CENPO: variants seen among roughly 807,000 people sequenced by gnomAD.
CENPO encodes the protein centromeric protein O.
Under a neutral mutation model 36.1 loss-of-function variants are expected in CENPO, and 30 were observed. The ratio of observed to expected loss-of-function variants is 0.83; its 90% CI spans 0.62 to 1.13. The LOEUF (loss-of-function observed/expected upper bound fraction) is 1.13. CENPO is among the 50% of genes most tolerant of loss of function. The probability of loss-of-function intolerance (pLI) is 0.00; values close to 1 mark genes in which losing one functional copy is unlikely to be tolerated. For synonymous variants in CENPO, 171 were observed against 142.3 expected (o/e 1.20, Z -1.44); for missense variants, 349 against 357.8 (o/e 0.98, Z 0.20).
chr2:24,803,305 G>C (rs1006759028), intron 3 of CENPO, among the ~76,000 whole-genome samples: 3 of 151,774 alleles, frequency 2.0e-5, no homozygotes, highest in African/African-American at 7.2e-5. Context: ...ATTTTTTGAA[G>C]GGTTTTTTGT....
chr2:24,804,755 T>TA (rs1212307395), intron 3 of CENPO, among the ~76,000 whole-genome samples: 3 of 152,130 alleles, frequency 2.0e-5, no homozygotes, highest in East Asian at 3.9e-4. Flanking sequence ...TGGCTGCCCT[T>TA]ACATTTTTTC....
chr2:24,795,943 T>A (rs1665879631), intron 2 of CENPO, among the ~76,000 whole-genome samples: 2 of 152,226 alleles, frequency 1.3e-5, no homozygotes, highest in South Asian at 4.1e-4. Context: ...ATTTATTTAA[T>A]TAGAATTTTG....
intron 3 of CENPO, 91 bp downstream of exon 3, chr2:24,799,935 GT>G: frequency 1.5e-6 from 2 of 1,372,780 alleles, no homozygotes; most frequent in South Asian, 1.3e-5. Context: ...TTTATAATGT[GT>G]TTTACTTGTG....
rs1028725471 is a variant in CENPO at position 24,821,745 on chromosome 2, A to G, written c.*2427A>G. The G allele has an allele frequency of 1.3e-6, 2 of 1,496,290 alleles. No individual in the cohort carries two copies. Among genetic ancestry groups the G allele is most frequent in the African/African-American group, 2.8e-5 (2 of 72,036 alleles). 92.7% of individuals were successfully genotyped at this position (1,496,290 alleles called of 1,614,324 possible). A position where few individuals can be genotyped will look rare whatever the true frequency, so the allele number is the denominator to read the frequency against. On this transcript the variant is annotated 3_prime_UTR_variant, in exon 8 of 8. Coordinates refer to ENST00000380834, the MANE Select transcript of CENPO (RefSeq NM_001322101.2). ...CTGGGGGTGGATTCCCTACACCTAG[A>G]TGTTCAAGGCCTTACTTTTCCTCCC...
Position 24,821,648 on chromosome 2 carries a change from A to C in CENPO, c.*2330A>C. On this transcript the variant is annotated 3_prime_UTR_variant, in exon 8 of 8. Coordinates refer to ENST00000380834, the MANE Select transcript of CENPO (RefSeq NM_001322101.2). Reference sequence around the variant, plus strand: ...TCTCTCGGACTTGTCTTCCTGTGCCAGGGGACCGTGGAGAAAGTGTCAGGG... The same window carrying C: ...TCTCTCGGACTTGTCTTCCTGTGCCCGGGGACCGTGGAGAAAGTGTCAGGG... 1 of 1,613,702 alleles carries C rather than the reference A, an allele frequency of 6.2e-7. No homozygotes were observed. Among genetic ancestry groups the C allele is most frequent in the Non-Finnish European group, 8.5e-7 (1 of 1,179,850 alleles).
At chr2:24,805,503 G>C (rs570843646) in intron 3 of CENPO, among the ~76,000 whole-genome samples, 1 of 152,288 alleles carries the variant, frequency 6.6e-6, no homozygotes, top group African/African-American at 2.4e-5. Context: ...ATGGGGTTTT[G>C]GTGTGGATGT....
At chr2:24,808,346 T>A (rs1018300461) in intron 3 of CENPO, among the ~76,000 whole-genome samples, 1 of 152,084 alleles carries the variant, frequency 6.6e-6, no homozygotes, top group African/African-American at 2.4e-5. Flanking sequence ...GTAGCTGGGA[T>A]TACAGGCATG....
At position 24,820,010 on chromosome 2, in the gene CENPO, CA is replaced by C. The variant is rs1558389289; in HGVS notation, c.*694del. The C allele has an allele frequency of 6.2e-7, 1 of 1,612,660 alleles. No homozygotes were observed. The highest frequency in any genetic ancestry group is 8.5e-7 in the Non-Finnish European group (1 of 1,179,326). ...AGGTGGCTAGCTTATCCCGCCCCTT[CA>C]AGAAGAAGGTCAGCAGCTCCCCCTT... On this transcript the variant is annotated 3_prime_UTR_variant, in exon 8 of 8. Coordinates refer to ENST00000380834, the MANE Select transcript of CENPO (RefSeq NM_001322101.2).
At chr2:24,800,809 C>T (rs1036715838) in intron 3 of CENPO, among the ~76,000 whole-genome samples, 3 of 152,088 alleles carry the variant, frequency 2.0e-5, no homozygotes, top group Non-Finnish European at 4.4e-5. Context: ...GTCTTTATAG[C>T]AGCATGTTTT....
intron 2 of CENPO, among the ~76,000 whole-genome samples, chr2:24,798,461 A>G (rs1189403897): frequency 1.3e-5 from 2 of 152,050 alleles, no homozygotes; most frequent in Non-Finnish European, 2.9e-5. Flanking sequence ...TTTCTATTTG[A>G]TCTCACACAA....
Position 24,821,055 on chromosome 2 carries a change from C to G in CENPO, c.*1737C>G, listed in dbSNP as rs560603340. 1.1e-3 allele frequency: 689 copies of G among 651,398 alleles called. 3 individuals are homozygous for G. Among genetic ancestry groups the G allele is most frequent in the South Asian group, 1.7e-3 (80 of 47,752 alleles). 40.4% of individuals were successfully genotyped at this position (651,398 alleles called of 1,614,324 possible). ...GTTAGGTGTCAGCCGCCACCCCCCC[C>G]CCATATGCAGATTTACTCGGCATGG... On this transcript the variant is annotated 3_prime_UTR_variant, in exon 8 of 8. Coordinates refer to ENST00000380834, the MANE Select transcript of CENPO (RefSeq NM_001322101.2).
rs771130957 is a variant in CENPO, at chr2:24,815,759, A to C, written c.594+3A>C. ...AGTACCAGGCAGACCGGCTTCAGGT[A>C]TCTCTCTGGGATGTTATATGCCTCA... On this transcript the variant is annotated splice_donor_region_variant and intron_variant, in intron 5 of 7. Transcript: ENST00000380834. 1 of 1,613,998 alleles carries C rather than the reference A, an allele frequency of 6.2e-7. No individual in the cohort carries two copies. Among genetic ancestry groups the C allele is most frequent in the East Asian group, 2.2e-5 (1 of 44,886 alleles).
intron 3 of CENPO, among the ~76,000 whole-genome samples, chr2:24,801,681 T>G (rs1384767801): frequency 6.6e-6 from 1 of 152,234 alleles, no homozygotes; most frequent in Non-Finnish European, 1.5e-5. Context: ...GTTCCATTGG[T>G]CTATATCTCT....
In CENPO at chr2:24,819,453, C is replaced by T. The variant is rs1285543950; in HGVS notation, c.*135C>T. 1.2e-4 allele frequency: 18 copies of T among 153,438 alleles called. No individual in the cohort carries two copies. In the Admixed American group the frequency reaches 1.2e-3, roughly 10 times the overall value. 9.5% of individuals were successfully genotyped at this position (153,438 alleles called of 1,614,324 possible). ...TTCCAGAAGAACCTTTCAAGATGAT[C>T]AGGAACACCAGGACGAGGGCCGTCT... is the stretch of plus-strand genomic sequence containing the variant. On this transcript the variant is annotated 3_prime_UTR_variant, in exon 8 of 8. Transcript: ENST00000380834.
Position 24,820,094 on chromosome 2 carries a change from G to T in CENPO, c.*776G>T, listed in dbSNP as rs145887939. On this transcript the variant is annotated 3_prime_UTR_variant, in exon 8 of 8. Transcript: ENST00000380834. ...AGCGGAAGCCGTACTCTCGGAGGAT[G>T]ACTTGGGTTTCTTCTACCACCTGGA... 1.0e-5 allele frequency: 16 copies of T among 1,548,182 alleles called. No individual in the cohort carries two copies. Among genetic ancestry groups the T allele is most frequent in the Non-Finnish European group, 1.3e-5 (15 of 1,146,216 alleles).
chr2:24,793,800 G>C (rs1665747362), intron 1 of CENPO, 52 bp from the exon 2 acceptor site: 1 of 1,366,340 alleles, frequency 7.3e-7, no homozygotes, highest in Non-Finnish European at 1.0e-6. Flanking sequence ...CTGCCGTCTG[G>C]GTTTGAATGG....
At chr2:24,796,284 G>A (rs779764658) in intron 2 of CENPO, among the ~76,000 whole-genome samples, 49 of 152,118 alleles carry the variant, frequency 3.2e-4, no homozygotes, top group Non-Finnish European at 6.3e-4. Context: ...AACCTGGGAG[G>A]TAGAGGTTGC....
In CENPO at chr2:24,816,750, C is replaced by T; in HGVS notation, c.699C>T (p.Phe233=). ...KLDPGGQSFP[F]CARLLYKDLT... ...ATCCAGGGGGTCAGTCCTTCCCGTT[C>T]TGTGCTAGATTGCTGTATAAGGACC... is the stretch of plus-strand genomic sequence containing the variant. Residue 233 remains phenylalanine (F), a synonymous_variant, in exon 6 of 8, where the codon TTC becomes TTT. Transcript: ENST00000380834. The T allele has an allele frequency of 1.2e-6, 2 of 1,612,718 alleles. No individual in the cohort carries two copies. Among genetic ancestry groups the T allele is most frequent in the Non-Finnish European group, 8.5e-7 (1 of 1,179,500 alleles).
rs1667382577 is a variant in CENPO at position 24,820,261 on chromosome 2, C to T, written c.*943C>T. 1.7e-6 allele frequency: 2 copies of T among 1,207,042 alleles called. No homozygotes were observed. The highest frequency in any genetic ancestry group is 2.2e-6 in the Non-Finnish European group (2 of 920,400). 74.8% of individuals were successfully genotyped at this position (1,207,042 alleles called of 1,614,324 possible). On this transcript the variant is annotated 3_prime_UTR_variant, in exon 8 of 8. Coordinates refer to ENST00000380834, the MANE Select transcript of CENPO (RefSeq NM_001322101.2). ...TCCCCAAACCTCCCAGGGCCAAGCC[C>T]TTCCACCCGTGGCGAGCAGCGGGTG...
Sources: allele counts gnomAD v4.1 joint callset (sites outside exome capture counted in the v4.1 genomes callset), GRCh38; gene constraint gnomAD v4.1.1; transcripts MANE v1.5; gene names NCBI Gene and HGNC (gene_info 2026-07-23, HGNC 2026-07-21).